The following NPAS3 variants were observed in gnomAD, a reference collection of about 807,000 sequenced individuals.
The protein encoded by NPAS3 is neuronal PAS domain protein 3, also known as neuronal PAS domain-containing protein 3.
Under a neutral mutation model 73.1 loss-of-function variants are expected in NPAS3, and 14 were observed. That is an observed-to-expected ratio of 0.19 (90% CI 0.13 to 0.30). NPAS3 has a LOEUF of 0.30. NPAS3 is among the 10% of genes least tolerant of loss of function. The pLI, the probability that NPAS3 is intolerant of heterozygous loss-of-function variation, is 1.00. For missense variants in NPAS3, 1,096 were observed against 1,250.0 expected (o/e 0.88, Z 1.86); for synonymous variants, 620 against 541.5 (o/e 1.14, Z -2.01).
intron 6 of NPAS3, among the ~76,000 whole-genome samples, chr14:33,718,030 T>C (rs1047993384): frequency 7.2e-5 from 11 of 151,782 alleles, no homozygotes; most frequent in Non-Finnish European, 4.4e-5. Flanking sequence ...ACCCAATACA[T>C]GTTGATTCAT....
chr14:33,311,891 A>T (rs987404325), intron 3 of NPAS3, among the ~76,000 whole-genome samples: 2 of 152,138 alleles, frequency 1.3e-5, no homozygotes, highest in Non-Finnish European at 2.9e-5. Context: ...AAAGAGAGGA[A>T]AGGAAGGGTA....
intron 1 of NPAS3, among the ~76,000 whole-genome samples, chr14:32,975,134 A>G (rs2139348572): frequency 6.6e-6 from 1 of 152,312 alleles, no homozygotes; most frequent in South Asian, 2.1e-4. Context: ...GACTCCTTTA[A>G]TCATAGAGAT....
chr14:33,611,287 T>C (rs1015576558), intron 5 of NPAS3, among the ~76,000 whole-genome samples: 7 of 152,202 alleles, frequency 4.6e-5, no homozygotes, highest in Admixed American at 1.3e-4. Flanking sequence ...CTATTAAAAG[T>C]AGGGTGGTTG....
intron 1 of NPAS3, among the ~76,000 whole-genome samples, chr14:33,008,778 A>G (rs531782731): frequency 9.8e-5 from 15 of 152,306 alleles, no homozygotes; most frequent in African/African-American, 3.6e-4. Flanking sequence ...AAAATCTTTG[A>G]ACATTATGAA....
At chr14:33,206,191 G>A (rs1230194713) in intron 2 of NPAS3, among the ~76,000 whole-genome samples, 3 of 152,158 alleles carry the variant, frequency 2.0e-5, no homozygotes, top group Non-Finnish European at 4.4e-5. Flanking sequence ...GAATCATGAG[G>A]ATTTTATTCC....
At chr14:33,210,836 A>G (rs2047004465) in intron 2 of NPAS3, among the ~76,000 whole-genome samples, 1 of 152,210 alleles carries the variant, frequency 6.6e-6, no homozygotes, top group Non-Finnish European at 1.5e-5. Context: ...CTAATTAAAT[A>G]TATTTTTATT....
At chr14:33,604,649 A>C (rs1409619488) in intron 5 of NPAS3, among the ~76,000 whole-genome samples, 11 of 152,152 alleles carry the variant, frequency 7.2e-5, no homozygotes, top group Non-Finnish European at 1.5e-5. Context: ...ACAGCAGAGT[A>C]CACATTCTTC....
At chr14:33,201,361 A>T (rs926442610) in intron 2 of NPAS3, among the ~76,000 whole-genome samples, 3 of 151,174 alleles carry the variant, frequency 2.0e-5, no homozygotes, top group African/African-American at 7.3e-5. Flanking sequence ...GAACATGGCC[A>T]TGTTGCCCCA....
At chr14:33,399,919 C>A (rs1402498363) in intron 4 of NPAS3, among the ~76,000 whole-genome samples, 1 of 152,054 alleles carries the variant, frequency 6.6e-6, no homozygotes, top group Non-Finnish European at 1.5e-5. Context: ...TAACTCTGTA[C>A]TTCGGTTTCC....
intron 7 of NPAS3, among the ~76,000 whole-genome samples, chr14:33,756,944 G>C (rs765228869): frequency 6.6e-6 from 1 of 152,222 alleles, no homozygotes; most frequent in Non-Finnish European, 1.5e-5. Flanking sequence ...TATCCAAGAA[G>C]AGGAAAAGGG....
intron 3 of NPAS3, among the ~76,000 whole-genome samples, chr14:33,272,907 A>T: frequency 6.6e-6 from 1 of 152,190 alleles, no homozygotes. Context: ...TACAAAGCAG[A>T]ATTATGTCAG....
At chr14:33,338,923 C>T (rs1226271159) in intron 3 of NPAS3, among the ~76,000 whole-genome samples, 1 of 152,090 alleles carries the variant, frequency 6.6e-6, no homozygotes, top group African/African-American at 2.4e-5. Flanking sequence ...TTCTGAAGCT[C>T]ATACATCTTC....
chr14:33,799,985 T>C (rs370303768), exon 12 of NPAS3: 3 of 1,613,628 alleles, frequency 1.9e-6, no homozygotes, highest in Non-Finnish European at 1.7e-6. Flanking sequence ...GGTGGAGCGC[T>C]ACGTGGAGAG....
chr14:33,181,055 A>G (rs574041618), intron 2 of NPAS3, among the ~76,000 whole-genome samples: 23 of 152,086 alleles, frequency 1.5e-4, no homozygotes, highest in African/African-American at 4.6e-4. Flanking sequence ...TACTGCTTCA[A>G]TTTTTGACTT....
chr14:33,414,862 T>C (rs1395210088), intron 4 of NPAS3, among the ~76,000 whole-genome samples: 2 of 152,092 alleles, frequency 1.3e-5, no homozygotes, highest in African/African-American at 4.8e-5. Flanking sequence ...ATGAAGGTAG[T>C]GCAGAATTGC....
intron 1 of NPAS3, among the ~76,000 whole-genome samples, chr14:33,008,588 G>T (rs1288504840): frequency 6.6e-6 from 1 of 152,180 alleles, no homozygotes; most frequent in Non-Finnish European, 1.5e-5. Context: ...TTTACATTCT[G>T]AAGAGTATAA....
chr14:33,147,544 G>C (rs1278719224), intron 2 of NPAS3, among the ~76,000 whole-genome samples: 1 of 150,842 alleles, frequency 6.6e-6, no homozygotes. Flanking sequence ...TGCCGCACTT[G>C]GACACAGGAA....
intron 6 of NPAS3, among the ~76,000 whole-genome samples, chr14:33,711,885 G>A (rs573829748): frequency 2.0e-5 from 3 of 151,966 alleles, no homozygotes; most frequent in South Asian, 2.1e-4. Flanking sequence ...AGTTCTGCAC[G>A]GCTGCTTAGG....
At chr14:33,487,961 G>A (rs747266392) in intron 4 of NPAS3, among the ~76,000 whole-genome samples, 2 of 152,064 alleles carry the variant, frequency 1.3e-5, no homozygotes. Flanking sequence ...TATATTTGTT[G>A]AATGGATGAA....
Sources: allele counts gnomAD v4.1 joint callset (sites outside exome capture counted in the v4.1 genomes callset), GRCh38; gene constraint gnomAD v4.1.1; transcripts MANE v1.5; gene names NCBI Gene and HGNC (gene_info 2026-07-23, HGNC 2026-07-21).